ADAMTS7: variants seen among roughly 807,000 people sequenced by gnomAD.
ADAMTS7 encodes A disintegrin and metalloproteinase with thrombospondin motifs 7.
Under a neutral mutation model 172.6 loss-of-function variants are expected in ADAMTS7, and 89 were observed. The ratio of observed to expected loss-of-function variants is 0.52; its 90% CI spans 0.43 to 0.61. The LOEUF (loss-of-function observed/expected upper bound fraction) is 0.61. Among genes scored for constraint, ADAMTS7 ranks in the 20% least tolerant of loss-of-function variants. ADAMTS7 has a pLI of 0.00. For missense variants in ADAMTS7, 1,973 were observed against 2,355.6 expected (o/e 0.84, Z 3.36); for synonymous variants, 885 against 978.4 (o/e 0.90, Z 1.78).
chr15:78,769,152 C>T (rs2055207264), intron 16 of ADAMTS7, among the ~76,000 whole-genome samples: 1 of 152,202 alleles, frequency 6.6e-6, no homozygotes, highest in Non-Finnish European at 1.5e-5. Flanking sequence ...TCCATCCCCA[C>T]ACCAGGCTTG....
intron 14 of ADAMTS7, among the ~76,000 whole-genome samples, chr15:78,772,112 C>T (rs533497725): frequency 6.6e-6 from 1 of 152,266 alleles, no homozygotes; most frequent in East Asian, 1.9e-4. Flanking sequence ...TGGCTGGCAT[C>T]TTCTTTCTAA....
At chr15:78,802,979 AGAGT>A (rs1179196395) in intron 1 of ADAMTS7, among the ~76,000 whole-genome samples, 8 of 152,206 alleles carry the variant, frequency 5.3e-5, no homozygotes, top group African/African-American at 1.9e-4. Context: ...CCTGGGCGAC[AGAGT>A]GAGACCCTGC....
chr15:78,768,208 T>A lies in ADAMTS7; in HGVS notation c.2570A>T (p.Asp857Val). 6.2e-7 allele frequency: 1 copy of A among 1,610,328 alleles called. No individual in the cohort carries two copies. The highest frequency in any genetic ancestry group is 8.5e-7 in the Non-Finnish European group (1 of 1,179,540). Residue 857 changes from aspartate (D) to valine (V), a missense_variant, in exon 17 of 24, where the codon GAC (aspartate) becomes GTC (valine). Around this residue, in one of 8 missense-constraint regions of ADAMTS7, gnomAD observed 771 missense variants for 952.6 expected, o/e 0.81. Coordinates refer to ENST00000388820, the MANE Select transcript of ADAMTS7 (RefSeq NM_014272.5). ...GCCCAGGGGGTCACAGTGCTCCTCG[T>A]CCACGGGCCCTGCCTGCCGCTCCAA... ...YCLERQAGPV[D>V]EEHCDPLGRP...
chr15:78,759,343 G>C lies in ADAMTS7; in HGVS notation c.*78C>G. 1 of 1,438,320 alleles carries C rather than the reference G, an allele frequency of 7.0e-7. No individual in the cohort carries two copies. Among genetic ancestry groups the C allele is most frequent in the Non-Finnish European group, 9.2e-7 (1 of 1,082,976 alleles). 89.1% of individuals were successfully genotyped at this position (1,438,320 alleles called of 1,614,324 possible). On this transcript the variant is annotated 3_prime_UTR_variant, in exon 24 of 24. Transcript: ENST00000388820. Reference sequence around the variant, plus strand: ...AGTGAGAGGGGGTTAGCACCATTAGGGCGCAGGGGGCGGGAGCTCCGCCAC... The same window carrying C: ...AGTGAGAGGGGGTTAGCACCATTAGCGCGCAGGGGGCGGGAGCTCCGCCAC...
At chr15:78,786,233 G>A (rs1363628061) in intron 8 of ADAMTS7, among the ~76,000 whole-genome samples, 5 of 151,956 alleles carry the variant, frequency 3.3e-5, no homozygotes, top group Non-Finnish European at 7.4e-5. Context: ...AGCAAGGTCC[G>A]GACAGTAAGC....
rs968065601 is a variant in ADAMTS7 at position 78,801,777 on chromosome 15, G to A, written c.101-1230C>T. 7.2e-5 allele frequency among the ~76,000 whole-genome samples: 11 copies of A among 151,916 alleles called. No homozygotes were observed. In the East Asian group the frequency reaches 7.7e-4, roughly 11 times the overall value. On this transcript the variant is annotated intron_variant, in intron 1 of 23. Transcript: ENST00000388820. ...ACTGCAGCCTCCAACTCCTGAGCTC[G>A]AGCCATCCTCCCATCTCAGCCTCCC...
chr15:78,767,372 C>T lies in ADAMTS7; in HGVS notation c.2859+7G>A, dbSNP rs1398256764. 9.9e-6 allele frequency: 16 copies of T among 1,611,458 alleles called. No individual in the cohort carries two copies. The highest frequency in any genetic ancestry group is 1.2e-5 in the Non-Finnish European group (14 of 1,179,758). ...TGGAGGCGGGCCCCTTCCCATCCCA[C>T]ACTCACCTGAGACCAGTTCCCCACA... On this transcript the variant is annotated splice_region_variant and intron_variant, in intron 18 of 23. Coordinates refer to ENST00000388820, the MANE Select transcript of ADAMTS7 (RefSeq NM_014272.5).
chr15:78,775,580 C>T (rs7171578), intron 11 of ADAMTS7, among the ~76,000 whole-genome samples: 41,110 of 151,734 alleles, frequency 0.27, 7,124 homozygotes, highest in Non-Finnish European at 0.4. Flanking sequence ...GATGGGGAAA[C>T]AGAGGCCCAG....
rs780221907 is a variant in ADAMTS7 at position 78,766,681 on chromosome 15, G to T, written c.3230C>A (p.Ser1077Tyr). 16 of 1,610,834 alleles carry T rather than the reference G, an allele frequency of 9.9e-6. No individual in the cohort carries two copies. The highest frequency in any genetic ancestry group is 8.5e-7 in the Non-Finnish European group (1 of 1,179,834). Residue 1077 changes from serine to tyrosine, a missense_variant, in exon 19 of 24, where the codon TCC becomes TAC. Physicochemically the swap from Ser to Tyr is moderately radical, Grantham distance 144. Transcript: ENST00000388820. ...YNFINFHEDL[S>Y]YGPSEEPDLD... Reference sequence around the variant, plus strand: ...ATCGGGCTCCTCAGAGGGCCCGTAGGACAGATCCTCGTGGAAATTGATGAA... The same window carrying T: ...ATCGGGCTCCTCAGAGGGCCCGTAGTACAGATCCTCGTGGAAATTGATGAA...
chr15:78,810,752 A>C (rs2141534173), intron 1 of ADAMTS7: 1 of 172,862 alleles, frequency 5.8e-6, no homozygotes, highest in Non-Finnish European at 1.2e-5. Flanking sequence ...TGAGAAACCA[A>C]ATCCTCAGTG....
chr15:78,766,178 G>A lies in ADAMTS7; in HGVS notation c.3733C>T (p.Pro1245Ser). The change falls in exon 19 of 24, where the codon CCT (proline) becomes TCT (serine). Residue 1245 changes from proline to serine, a missense_variant. Coordinates refer to ENST00000388820, the MANE Select transcript of ADAMTS7 (RefSeq NM_014272.5). ...GGAGAGGAGTGGGTGCTGCCAACAGGGGACAAAGGGGGCAGCGTGGAGCTG... is the reference window on the plus strand; with the variant it reads ...GGAGAGGAGTGGGTGCTGCCAACAGAGGACAAAGGGGGCAGCGTGGAGCTG... ...RPSSTLPPLS[P>S]VGSTHSSPSP... is the part of the protein sequence containing the mutation. 1 of 1,611,658 alleles carries A rather than the reference G, an allele frequency of 6.2e-7. No homozygotes were observed. The highest frequency in any genetic ancestry group is 1.1e-5 in the South Asian group (1 of 90,944).
chr15:78,804,585 C>T (rs1052380005), intron 1 of ADAMTS7, among the ~76,000 whole-genome samples: 4 of 152,356 alleles, frequency 2.6e-5, no homozygotes. Context: ...AACTTGCCCT[C>T]CAGTCTGTCC....
intron 2 of ADAMTS7, among the ~76,000 whole-genome samples, chr15:78,799,597 A>ACAGT (rs1420334841): frequency 6.7e-6 from 1 of 148,936 alleles, no homozygotes; most frequent in African/African-American, 2.4e-5. Flanking sequence ...CTGTGAAGGA[A>ACAGT]CAGTCATAAC....
intron 1 of ADAMTS7, among the ~76,000 whole-genome samples, chr15:78,808,638 A>G (rs1382124321): frequency 1.6e-5 from 1 of 63,542 alleles, no homozygotes; most frequent in Admixed American, 2.3e-4. Flanking sequence ...ACTGTAGCCT[A>G]GTTGACCTCA....
At chr15:78,760,652 C>A (rs564906633) in intron 23 of ADAMTS7, among the ~76,000 whole-genome samples, 3 of 152,146 alleles carry the variant, frequency 2.0e-5, no homozygotes, top group Non-Finnish European at 4.4e-5. Context: ...CTGCAGTGAG[C>A]ACACACACAC....
chr15:78,760,382 G>A (rs929847379), intron 23 of ADAMTS7, among the ~76,000 whole-genome samples: 1 of 152,186 alleles, frequency 6.6e-6, no homozygotes, highest in Non-Finnish European at 1.5e-5. Context: ...GCTTACTCCA[G>A]CAGACCTCCC....
At position 78,762,520 on chromosome 15, in the gene ADAMTS7, A is replaced by G. The variant is rs1397849213; in HGVS notation, c.4786T>C (p.Cys1596Arg). 3.2e-6 allele frequency: 5 copies of G among 1,581,656 alleles called. No homozygotes were observed. The highest frequency in any genetic ancestry group is 4.3e-6 in the Non-Finnish European group (5 of 1,164,464). The change falls in exon 23 of 24, where the codon TGT (cysteine) becomes CGT (arginine). Residue 1596 changes from cysteine to arginine, a missense_variant. Physicochemically the swap from Cys to Arg is radical, Grantham distance 180. Coordinates refer to ENST00000388820, the MANE Select transcript of ADAMTS7 (RefSeq NM_014272.5). ...GGGVQRRLVKCVNTQTGLPEE... is the reference protein window; with the variant it reads ...GGGVQRRLVKRVNTQTGLPEE... ...GGCAGCCCTGTCTGGGTGTTGACAC[A>G]CTTGACCAGGCGCCGCTGGACACCA...
At chr15:78,801,296 T>C (rs1446207245) in intron 1 of ADAMTS7, among the ~76,000 whole-genome samples, 1 of 152,176 alleles carries the variant, frequency 6.6e-6, no homozygotes, top group Non-Finnish European at 1.5e-5. Flanking sequence ...TCCAATCTCA[T>C]GTCCAGCTAC....
rs778165068 is a variant in ADAMTS7, at chr15:78,771,728, CCGG to C, written c.2230_2232del (p.Pro744del). ...CAGCCACCATTGAGGAAGTACTTCT[CCGG>C]GTCCTCGCTCCGCAGTGCCAGGAAG... On this transcript the variant is annotated inframe_deletion, in exon 15 of 24. Transcript: ENST00000388820. The surrounding 1 kb of genome is among the most constrained non-coding windows in gnomAD (Gnocchi z 4.9). 4.3e-6 allele frequency: 7 copies of C among 1,610,268 alleles called. No individual in the cohort carries two copies. The highest frequency in any genetic ancestry group is 5.9e-6 in the Non-Finnish European group (7 of 1,180,018).
Sources: gnomAD v4.1 joint callset for allele counts (sites outside exome capture counted in the v4.1 genomes callset) on GRCh38, gnomAD v4.1.1 for gene constraint, gnomAD v4.1.1 regional missense constraint, Gnocchi (gnomAD v3.1) non-coding constraint, MANE v1.5 for transcripts, NCBI Gene and HGNC (gene_info 2026-07-23, HGNC 2026-07-21) for gene names.